CHDH: variants seen among roughly 807,000 people sequenced by gnomAD.
CHDH encodes choline dehydrogenase.
In CHDH, 43 loss-of-function variants were observed where a neutral mutation model predicts 56.9. That is an observed-to-expected ratio of 0.76 (90% confidence interval 0.59 to 0.97). CHDH has a LOEUF of 0.97. CHDH is among the 50% of genes least tolerant of loss of function. The probability of loss-of-function intolerance (pLI) is 0.00; values close to 1 mark genes in which losing one functional copy is unlikely to be tolerated. For missense variants in CHDH, 816 were observed against 821.1 expected (o/e 0.99, Z 0.08); for synonymous variants, 364 against 348.5 (o/e 1.04, Z -0.50).
chr3:53,832,955 C>T (rs948437718), intron 2 of CHDH, among the ~76,000 whole-genome samples: 3 of 152,182 alleles, frequency 2.0e-5, no homozygotes, highest in African/African-American at 7.2e-5. Context: ...CGACTGAATT[C>T]TGGATCTTGT....
At position 53,823,810 on chromosome 3, in the gene CHDH, C is replaced by G; in HGVS notation, c.199G>C (p.Val67Leu). The part of the protein sequence containing the change: ...GRLTEDPAER[V>L]LLLEAGPKDV... The stretch of plus-strand genomic sequence containing the variant: ...TTGGGCCCGGCCTCCAGCAGCAGCA[C>G]GCGCTCGGCGGGGTCCTCCGTGAGC... Residue 67 changes from valine to leucine, a missense_variant, in exon 3 of 9, where the codon GTG becomes CTG. Transcript: ENST00000315251. 3.2e-6 allele frequency: 5 copies of G among 1,583,376 alleles called. No homozygotes were observed. Among genetic ancestry groups the G allele is most frequent in the Middle Eastern group, 1.7e-4 (1 of 6,002 alleles).
intron 2 of CHDH, among the ~76,000 whole-genome samples, chr3:53,835,399 C>G (rs1338839867): frequency 6.6e-6 from 1 of 152,248 alleles, no homozygotes; most frequent in African/African-American, 2.4e-5. Context: ...GAAGTCAGCA[C>G]TGCCCCAGGC....
chr3:53,820,363 G>A, intron 6 of CHDH, 111 bp downstream of exon 6: 1 of 1,292,418 alleles, frequency 7.7e-7, no homozygotes, highest in Non-Finnish European at 1.1e-6. Context: ...TAAGGTAAAT[G>A]GCATAGTTCC....
At chr3:53,830,227 A>G (rs2106971612) in intron 2 of CHDH, among the ~76,000 whole-genome samples, 1 of 152,252 alleles carries the variant, frequency 6.6e-6, no homozygotes, top group South Asian at 2.1e-4. Context: ...GCTGATTTCA[A>G]AATGTATGTG....
At chr3:53,822,420 C>T (rs2095628862) in intron 4 of CHDH, 71 bp downstream of exon 4, 1 of 1,443,154 alleles carries the variant, frequency 6.9e-7, no homozygotes. Flanking sequence ...TGACTCCTGC[C>T]CACTCTGAGC....
In CHDH at chr3:53,821,675, C is replaced by T; in HGVS notation, c.957G>A (p.Leu319=). The T allele has an allele frequency of 6.2e-7, 1 of 1,613,962 alleles. No homozygotes were observed. Among genetic ancestry groups the T allele is most frequent in the South Asian group, 1.1e-5 (1 of 91,072 alleles). The change falls in exon 5 of 9, where the codon CTG becomes CTA. Residue 319 remains leucine, a synonymous_variant. Coordinates refer to ENST00000315251, the MANE Select transcript of CHDH (RefSeq NM_018397.5). Reference sequence around the variant, plus strand: ...GTAGGTGGCACACCACAGGGATGCCCAGTTTCTTGAGGTCATCAGCATTCC... The same window carrying T: ...GTAGGTGGCACACCACAGGGATGCCTAGTTTCTTGAGGTCATCAGCATTCC... ...GIGNADDLKK[L]GIPVVCHLPG...
In CHDH at chr3:53,812,342, A is replaced by T. The variant is rs781612090; in HGVS notation, c.*5435T>A. ...ATCCAGAAGTAGAAGAAATAGAGCC[A>T]ATTCTCATTTATTCAGCGAAAATCC... On this transcript the variant is annotated 3_prime_UTR_variant, in exon 9 of 9. Transcript: ENST00000315251. 1.6e-4 allele frequency: 24 copies of T among 152,370 alleles called. No individual in the cohort carries two copies. Among genetic ancestry groups the T allele is most frequent in the Non-Finnish European group, 3.2e-4 (22 of 68,040 alleles). 9.4% of individuals were successfully genotyped at this position (152,370 alleles called of 1,614,324 possible).
chr3:53,820,670 T>TC lies in CHDH; in HGVS notation c.986-63dup, dbSNP rs933678850. 7 of 1,560,588 alleles carry TC rather than the reference T, an allele frequency of 4.5e-6. No individual in the cohort carries two copies. In the South Asian group the frequency reaches 4.9e-5, roughly 11 times the overall value. On this transcript the variant is annotated intron_variant, in intron 5 of 8. Coordinates refer to ENST00000315251, the MANE Select transcript of CHDH (RefSeq NM_018397.5). ...AAGGGGGCTCAGCTGCTTCTCAATA[T>TC]CCCCCCGGTTTTGAAAAATTCTTTC... is the stretch of plus-strand genomic sequence containing the variant.
At chr3:53,824,152 C>G (rs2095634510) in intron 2 of CHDH, 85 bp from the exon 3 acceptor site, 1 of 730,184 alleles carries the variant, frequency 1.4e-6, no homozygotes. Flanking sequence ...CAGGGTGCAG[C>G]AGGCCCAGCC....
In CHDH at chr3:53,823,370, G is replaced by A; in HGVS notation, c.639C>T (p.Leu213=). Residue 213 remains leucine, a synonymous_variant, in exon 3 of 9, where the codon CTC becomes CTT. Transcript: ENST00000315251. ...LEATQQAGYP[L]TEDMNGFQQE... Reference sequence around the variant, plus strand: ...GCTGGAAGCCATTCATGTCCTCGGTGAGCGGGTAGCCGGCCTGCTGCGTGG... The same window carrying A: ...GCTGGAAGCCATTCATGTCCTCGGTAAGCGGGTAGCCGGCCTGCTGCGTGG... 1.2e-6 allele frequency: 2 copies of A among 1,605,326 alleles called. No individual in the cohort carries two copies. Among genetic ancestry groups the A allele is most frequent in the South Asian group, 2.2e-5 (2 of 89,764 alleles).
At position 53,819,715 on chromosome 3, in the gene CHDH, C is replaced by T; in HGVS notation, c.1121-41G>A. 1 of 1,519,164 alleles carries T rather than the reference C, an allele frequency of 6.6e-7. No individual in the cohort carries two copies. Among genetic ancestry groups the T allele is most frequent in the Non-Finnish European group, 8.8e-7 (1 of 1,132,122 alleles). 94.1% of individuals were successfully genotyped at this position (1,519,164 alleles called of 1,614,324 possible). On this transcript the variant is annotated intron_variant, in intron 6 of 8. Coordinates refer to ENST00000315251, the MANE Select transcript of CHDH (RefSeq NM_018397.5). The surrounding 1 kb of genome is among the most constrained non-coding windows in gnomAD (Gnocchi z 5.4). ...GGATGAGGCAGAAGAGCCAGTCAGG[C>T]CGTGGCAGGTGGGCCGGCTGCTCCT...
chr3:53,827,883 C>T (rs1316085726), intron 2 of CHDH, among the ~76,000 whole-genome samples: 1 of 152,094 alleles, frequency 6.6e-6, no homozygotes, highest in Non-Finnish European at 1.5e-5. Flanking sequence ...TATTAACAGA[C>T]TGGTTCAAAG....
chr3:53,821,275 C>T (rs912080547), intron 5 of CHDH, among the ~76,000 whole-genome samples: 7 of 152,232 alleles, frequency 4.6e-5, no homozygotes, highest in Non-Finnish European at 1.0e-4. Context: ...CTCATTCATG[C>T]TCAGGGCAGC....
At chr3:53,842,710 C>A (rs147471859) in intron 1 of CHDH, among the ~76,000 whole-genome samples, 1 of 152,306 alleles carries the variant, frequency 6.6e-6, no homozygotes, top group African/African-American at 2.4e-5. Context: ...CCTACTAGAG[C>A]AGAGAAAATG....
In CHDH at chr3:53,817,641, T is replaced by A. The variant is rs910857863; in HGVS notation, c.*136A>T. On this transcript the variant is annotated 3_prime_UTR_variant, in exon 9 of 9. Transcript: ENST00000315251. ...CTCATTTCCCAAGACTTTATCCAAT[T>A]CTCAGCCACTGAGTAGGGTACCACC... The A allele has an allele frequency of 7.5e-5, 51 of 681,656 alleles. No homozygotes were observed. In the African/African-American group the frequency reaches 8.5e-4, roughly 11 times the overall value. The allele number at this position is 681,656 out of a possible 1,614,324, so 42.2% of individuals were successfully genotyped here. A position where few individuals can be genotyped will look rare whatever the true frequency, so the allele number is the denominator to read the frequency against.
chr3:53,821,841 G>C (rs904802840), intron 4 of CHDH, 65 bp from the exon 5 acceptor site: 4 of 1,587,462 alleles, frequency 2.5e-6, no homozygotes, highest in Non-Finnish European at 3.4e-6. Context: ...ACAGACCAGC[G>C]CCCTACTCTA....
chr3:53,845,728 G>A (rs1030038746), intron 1 of CHDH, among the ~76,000 whole-genome samples: 24 of 152,200 alleles, frequency 1.6e-4, no homozygotes, highest in African/African-American at 5.5e-4. Flanking sequence ...GGAAACTTGA[G>A]AACCGCAGCT....
intron 2 of CHDH, among the ~76,000 whole-genome samples, chr3:53,838,426 C>T (rs1231775321): frequency 4.6e-5 from 7 of 152,210 alleles, no homozygotes; most frequent in African/African-American, 1.7e-4. Flanking sequence ...CTCTGGGCTG[C>T]ACTGTGCCTG....
In CHDH at chr3:53,819,600, G is replaced by C; in HGVS notation, c.1195C>G (p.Gln399Glu). The C allele has an allele frequency of 6.2e-7, 1 of 1,611,994 alleles. No homozygotes were observed. The highest frequency in any genetic ancestry group is 8.5e-7 in the Non-Finnish European group (1 of 1,178,982). The change falls in exon 7 of 9, where the codon CAG becomes GAG. Residue 399 changes from glutamine (Q) to glutamate (E), a missense_variant. Physicochemically the swap from Gln to Glu is conservative, Grantham distance 29 (BLOSUM62 2). Coordinates refer to ENST00000315251, the MANE Select transcript of CHDH (RefSeq NM_018397.5). The surrounding 1 kb of genome is among the most constrained non-coding windows in gnomAD (Gnocchi z 5.4). Reference sequence around the variant, plus strand: ...ACTTGGGATGGCAGGAAATGGAACTGGATGTCCGGGTGGGGGACCCCAGGC... The same window carrying C: ...ACTTGGGATGGCAGGAAATGGAACTCGATGTCCGGGTGGGGGACCCCAGGC... ...SQPGVPHPDI[Q>E]FHFLPSQVID... is the part of the protein sequence containing the mutation.
Sources: allele counts gnomAD v4.1 joint callset (sites outside exome capture counted in the v4.1 genomes callset), GRCh38; gene constraint gnomAD v4.1.1; non-coding constraint Gnocchi (gnomAD v3.1); transcripts MANE v1.5; gene names NCBI Gene and HGNC (gene_info 2026-07-23, HGNC 2026-07-21).